The following THSD7B variants were observed in gnomAD, a reference collection of about 807,000 sequenced individuals.
THSD7B encodes the protein thrombospondin type-1 domain-containing protein 7B.
A neutral mutation model predicts 213.6 loss-of-function variants in THSD7B; 138 were observed. That is an observed-to-expected ratio of 0.65 (90% CI 0.56 to 0.74). The LOEUF (loss-of-function observed/expected upper bound fraction) is 0.74, where lower values mean the gene tolerates loss of function less well. Among genes scored for constraint, THSD7B ranks in the 30% least tolerant of loss-of-function variants. The probability of loss-of-function intolerance (pLI) is 0.00; values close to 1 mark genes in which losing one functional copy is unlikely to be tolerated. For synonymous variants in THSD7B, 742 were observed against 687.0 expected, an observed-to-expected ratio of 1.08 and a Z score of -1.25; for missense variants, 1,931 against 1,991.5, an observed-to-expected ratio of 0.97 and a Z score of 0.58.
intron 12 of THSD7B, among the ~76,000 whole-genome samples, chr2:137,345,784 T>G (rs1317582758): frequency 2.0e-5 from 3 of 151,384 alleles, no homozygotes; most frequent in African/African-American, 7.3e-5. Flanking sequence ...AGAAAACAAC[T>G]TTAGGATGTG....
At chr2:136,776,007 G>C (rs1039093596) in intron 1 of THSD7B, among the ~76,000 whole-genome samples, 12 of 152,116 alleles carry the variant, frequency 7.9e-5, no homozygotes, top group Admixed American at 5.2e-4. Context: ...GTTGCCTGTA[G>C]TGTGAAATAT....
At chr2:137,155,043 GA>G (rs1679887750) in intron 5 of THSD7B, among the ~76,000 whole-genome samples, 1 of 152,170 alleles carries the variant, frequency 6.6e-6, no homozygotes, top group Non-Finnish European at 1.5e-5. Flanking sequence ...TTCCAGTTTA[GA>G]CACCAGCAAA....
At chr2:137,223,928 G>A (rs1227461072) in intron 7 of THSD7B, among the ~76,000 whole-genome samples, 1 of 152,082 alleles carries the variant, frequency 6.6e-6, no homozygotes, top group Non-Finnish European at 1.5e-5. Context: ...ACTCAGCCCT[G>A]TAAGGTGTGA....
intron 12 of THSD7B, among the ~76,000 whole-genome samples, chr2:137,278,243 C>T (rs1682916324): frequency 6.6e-6 from 1 of 152,026 alleles, no homozygotes; most frequent in African/African-American, 2.4e-5. Flanking sequence ...CAAGGCTTGT[C>T]ACTGTGATAT....
At chr2:137,630,262 G>A (rs1273069026) in intron 20 of THSD7B, among the ~76,000 whole-genome samples, 1 of 152,128 alleles carries the variant, frequency 6.6e-6, no homozygotes, top group African/African-American at 2.4e-5. Context: ...CCAAAGTGCT[G>A]GGGTTATAGG....
intron 2 of THSD7B, among the ~76,000 whole-genome samples, chr2:136,909,429 TG>T (rs1459499170): frequency 1.3e-5 from 2 of 152,202 alleles, no homozygotes; most frequent in Non-Finnish European, 2.9e-5. Flanking sequence ...TTTGTGCTCC[TG>T]GAACAGAAAC....
At chr2:136,954,442 C>G (rs565024498) in intron 2 of THSD7B, among the ~76,000 whole-genome samples, 1 of 152,084 alleles carries the variant, frequency 6.6e-6, no homozygotes, top group Non-Finnish European at 1.5e-5. Context: ...TACGGCCGGG[C>G]GCGGTGGCTC....
intron 2 of THSD7B, among the ~76,000 whole-genome samples, chr2:137,050,301 A>C (rs1687045406): frequency 6.6e-6 from 1 of 152,158 alleles, no homozygotes; most frequent in South Asian, 2.1e-4. Flanking sequence ...TGTCTCCGTG[A>C]TGTTTGCATT....
At chr2:137,397,664 A>C (rs1168210216) in intron 12 of THSD7B, among the ~76,000 whole-genome samples, 2 of 151,348 alleles carry the variant, frequency 1.3e-5, no homozygotes, top group Non-Finnish European at 2.9e-5. Context: ...CTTCTCGAGG[A>C]GTATCTTTGT....
chr2:137,675,426 A>G (rs1683677323), intron 27 of THSD7B, among the ~76,000 whole-genome samples: 1 of 134,144 alleles, frequency 7.5e-6, no homozygotes, highest in Non-Finnish European at 1.6e-5. Context: ...ATATATATAT[A>G]TATATATATA....
At chr2:136,873,206 C>T (rs1038823452) in intron 1 of THSD7B, among the ~76,000 whole-genome samples, 4 of 151,910 alleles carry the variant, frequency 2.6e-5, no homozygotes, top group Admixed American at 6.6e-5. Context: ...GGACTTTTTG[C>T]GAAATTTTCT....
intron 2 of THSD7B, among the ~76,000 whole-genome samples, chr2:137,012,456 G>A (rs749775607): frequency 6.6e-6 from 1 of 152,290 alleles, no homozygotes; most frequent in Non-Finnish European, 1.5e-5. Context: ...ATCTAATCAC[G>A]TAAATCCAAA....
At chr2:137,315,488 G>GCTGTAGAC (rs1221203422) in intron 12 of THSD7B, among the ~76,000 whole-genome samples, 1 of 152,148 alleles carries the variant, frequency 6.6e-6, no homozygotes, top group Non-Finnish European at 1.5e-5. Context: ...CATGCTGGGA[G>GCTGTAGAC]CTGTAGACCG....
chr2:136,824,065 T>A (rs910331824), intron 1 of THSD7B, among the ~76,000 whole-genome samples: 1 of 152,202 alleles, frequency 6.6e-6, no homozygotes, highest in Non-Finnish European at 1.5e-5. Flanking sequence ...TCAATATTCA[T>A]TTATCACCAT....
intron 12 of THSD7B, among the ~76,000 whole-genome samples, chr2:137,371,429 A>G (rs957743071): frequency 2.0e-5 from 3 of 152,212 alleles, no homozygotes; most frequent in African/African-American, 7.2e-5. Context: ...TTCAATGGAG[A>G]CAAGGAATCA....
intron 2 of THSD7B, among the ~76,000 whole-genome samples, chr2:136,957,394 C>T (rs1685144337): frequency 6.7e-6 from 1 of 150,124 alleles, no homozygotes; most frequent in Non-Finnish European, 1.5e-5. Context: ...CAGAGTCCTG[C>T]TGTAACTATT....
At chr2:136,817,029 G>A (rs1397477018) in intron 1 of THSD7B, among the ~76,000 whole-genome samples, 1 of 152,124 alleles carries the variant, frequency 6.6e-6, no homozygotes, top group Non-Finnish European at 1.5e-5. Flanking sequence ...TAGATTCTAG[G>A]AGTGAAGATC....
intron 17 of THSD7B, among the ~76,000 whole-genome samples, chr2:137,603,111 G>C (rs1682105991): frequency 6.6e-6 from 1 of 152,184 alleles, no homozygotes; most frequent in Non-Finnish European, 1.5e-5. Flanking sequence ...CTGAACTGCT[G>C]TCTCATAGCA....
At chr2:136,888,717 A>G (rs897358231) in intron 2 of THSD7B, among the ~76,000 whole-genome samples, 3 of 152,110 alleles carry the variant, frequency 2.0e-5, no homozygotes, top group African/African-American at 7.2e-5. Context: ...AAGGTTTCCA[A>G]TAGGTCAGAA....
Sources: allele counts gnomAD v4.1 joint callset (sites outside exome capture counted in the v4.1 genomes callset), GRCh38; gene constraint gnomAD v4.1.1; transcripts MANE v1.5; gene names NCBI Gene and HGNC (gene_info 2026-07-23, HGNC 2026-07-21).